LDLRAD3: variants seen among roughly 807,000 people sequenced by gnomAD.
The protein encoded by LDLRAD3 is low-density lipoprotein receptor class A domain-containing protein 3.
LDLRAD3 carries 20 observed loss-of-function variants against 29.4 expected under a neutral mutation model. The observed-to-expected ratio is 0.68, with a 90% CI of 0.48 to 0.99. The LOEUF (loss-of-function observed/expected upper bound fraction) is 0.99, where lower values mean the gene tolerates loss of function less well. LDLRAD3 is among the 50% of genes least tolerant of loss of function. LDLRAD3 has a pLI of 0.00. For synonymous variants in LDLRAD3, 157 were observed against 192.7 expected, an observed-to-expected ratio of 0.81 and a Z score of 1.53; for missense variants, 420 against 454.3, an observed-to-expected ratio of 0.92 and a Z score of 0.69.
rs1343780985 is a variant in LDLRAD3 at position 36,105,238 on chromosome 11, T to TGTGTGTGTGAGAGA, written c.454+6778_454+6779insTGTGTGTGAGAGAG. The stretch of plus-strand genomic sequence containing the variant: ...GTGTGTGTGTGTGTGTGTGTGTGTG[T>TGTGTGTGTGAGAGA]GAGAGAGAGAGAGAGAGAGAGAGAA... On this transcript the variant is annotated intron_variant, in intron 4 of 5. Transcript: ENST00000315571. Among the ~76,000 whole-genome samples, 203 of 128,416 alleles carry TGTGTGTGTGAGAGA rather than the reference T, an allele frequency of 1.6e-3. 2 individuals are homozygous for TGTGTGTGTGAGAGA. The highest frequency in any genetic ancestry group is 5.8e-3 in the African/African-American group (191 of 33,056). 84.2% of individuals were successfully genotyped at this position (128,416 alleles called of 152,430 possible).
At chr11:36,225,270 T>A (rs1855483615) in intron 4 of LDLRAD3, among the ~76,000 whole-genome samples, 1 of 152,234 alleles carries the variant, frequency 6.6e-6, no homozygotes, top group African/African-American at 2.4e-5. Context: ...GTTTACTCAC[T>A]TGAGCTGCAT....
chr11:35,946,804 G>A (rs1286751310), intron 1 of LDLRAD3, among the ~76,000 whole-genome samples: 2 of 152,172 alleles, frequency 1.3e-5, no homozygotes, highest in East Asian at 1.9e-4. Context: ...CTGCTTAACG[G>A]TGTGAGGGGT....
intron 4 of LDLRAD3, among the ~76,000 whole-genome samples, chr11:36,118,929 A>T (rs1004082319): frequency 6.6e-6 from 1 of 152,142 alleles, no homozygotes; most frequent in African/African-American, 2.4e-5. Flanking sequence ...TTATAGTGAT[A>T]GAGTTATATA....
chr11:36,023,831 T>C (rs901971200), intron 1 of LDLRAD3, among the ~76,000 whole-genome samples: 1 of 152,226 alleles, frequency 6.6e-6, no homozygotes, highest in Non-Finnish European at 1.5e-5. Context: ...TTTGACCTGC[T>C]TTACAGCTTT....
At chr11:35,979,593 G>A (rs891190908) in intron 1 of LDLRAD3, among the ~76,000 whole-genome samples, 9 of 152,158 alleles carry the variant, frequency 5.9e-5, no homozygotes, top group East Asian at 1.9e-4. Flanking sequence ...TTAGACGAGC[G>A]TTGAGACTGT....
intron 2 of LDLRAD3, among the ~76,000 whole-genome samples, chr11:36,068,991 G>A (rs2036252): frequency 0.068 from 10,364 of 152,188 alleles, 1,005 homozygotes; most frequent in African/African-American, 0.21. Flanking sequence ...TCCAGTTAGC[G>A]TATGGTCTGT....
chr11:36,171,244 G>C (rs1236837950), intron 4 of LDLRAD3, among the ~76,000 whole-genome samples: 1 of 152,082 alleles, frequency 6.6e-6, no homozygotes, highest in Non-Finnish European at 1.5e-5. Flanking sequence ...CATTCTGTTG[G>C]GTTGTGTGTT....
chr11:35,988,099 C>T (rs1209497484), intron 1 of LDLRAD3, among the ~76,000 whole-genome samples: 1 of 152,152 alleles, frequency 6.6e-6, no homozygotes, highest in Non-Finnish European at 1.5e-5. Context: ...ACTCTGTCAC[C>T]CAGGCTGGAG....
At chr11:36,060,676 A>G (rs1852685459) in intron 2 of LDLRAD3, among the ~76,000 whole-genome samples, 3 of 152,306 alleles carry the variant, frequency 2.0e-5, no homozygotes, top group Admixed American at 2.0e-4. Context: ...CTCTTGTCTT[A>G]TAAAGAGTTC....
chr11:36,118,496 A>AGTGT (rs879322720), intron 4 of LDLRAD3, among the ~76,000 whole-genome samples: 8 of 114,116 alleles, frequency 7.0e-5, no homozygotes, highest in African/African-American at 1.9e-4. Context: ...AGTAAGAGTG[A>AGTGT]GTGTGTGTGT....
rs576545605 is a variant in LDLRAD3, at chr11:36,053,248, C to CT, written c.193+17006dup. Among the ~76,000 whole-genome samples, 339 of 151,828 alleles carry CT rather than the reference C, an allele frequency of 2.2e-3. 5 individuals carry two copies. The highest frequency in any genetic ancestry group is 7.7e-3 in the African/African-American group (319 of 41,468). On this transcript the variant is annotated intron_variant, in intron 2 of 5. Transcript: ENST00000315571. The stretch of plus-strand genomic sequence containing the variant: ...TCTCTAAGCAGCCTTTTTTTTCTTT[C>CT]TTTTTTTAAATCTCATTTTGACATC...
chr11:35,997,109 A>G (rs1005693614), intron 1 of LDLRAD3: 10 of 256,532 alleles, frequency 3.9e-5, no homozygotes, highest in South Asian at 3.2e-4. Flanking sequence ...AATGATGGCT[A>G]TTTTTATGAT....
chr11:36,125,798 C>T (rs1853827930), intron 4 of LDLRAD3, among the ~76,000 whole-genome samples: 1 of 152,192 alleles, frequency 6.6e-6, no homozygotes, highest in Admixed American at 6.5e-5. Flanking sequence ...AGAATGGTGT[C>T]TTCTTGCTCC....
intron 2 of LDLRAD3, among the ~76,000 whole-genome samples, chr11:36,063,055 G>A (rs1294851365): frequency 6.6e-6 from 1 of 152,136 alleles, no homozygotes. Flanking sequence ...GTGAGTTTCA[G>A]CTCTTTGATA....
rs116308458 is a variant in LDLRAD3, at chr11:35,945,613, G to A, written c.46+1469G>A. ...GTTAGAGCAGGTCGATTTTCAGGGC[G>A]TCTACAGATATGAAGACCTGTTTGG... On this transcript the variant is annotated intron_variant, in intron 1 of 5. Coordinates refer to ENST00000315571, the MANE Select transcript of LDLRAD3 (RefSeq NM_174902.4). 1.0e-2 allele frequency among the ~76,000 whole-genome samples: 1,519 copies of A among 152,206 alleles called. 18 individuals are homozygous for A. Among genetic ancestry groups the A allele is most frequent in the African/African-American group, 0.035 (1,464 of 41,526 alleles).
chr11:35,960,568 A>T (rs1851263531), intron 1 of LDLRAD3, among the ~76,000 whole-genome samples: 1 of 152,114 alleles, frequency 6.6e-6, no homozygotes, highest in Non-Finnish European at 1.5e-5. Flanking sequence ...TCCAAGGTGC[A>T]AGGTGGTGAC....
intron 2 of LDLRAD3, among the ~76,000 whole-genome samples, chr11:36,047,970 G>A (rs1375703400): frequency 2.0e-5 from 3 of 152,298 alleles, no homozygotes; most frequent in African/African-American, 7.2e-5. Context: ...GATGTGAAAA[G>A]GGGCAGGGTG....
intron 2 of LDLRAD3, among the ~76,000 whole-genome samples, chr11:36,073,132 A>G (rs773968234): frequency 5.9e-5 from 9 of 152,194 alleles, no homozygotes; most frequent in Admixed American, 1.3e-4. Context: ...TGGCAATTGT[A>G]TTAGTCTTTC....
chr11:36,178,208 T>C (rs889204476), intron 4 of LDLRAD3, among the ~76,000 whole-genome samples: 1 of 152,150 alleles, frequency 6.6e-6, no homozygotes, highest in African/African-American at 2.4e-5. Flanking sequence ...TTGTTCTCAA[T>C]CCCTCAGTCT....
Sources: allele counts gnomAD v4.1 joint callset (sites outside exome capture counted in the v4.1 genomes callset), GRCh38; gene constraint gnomAD v4.1.1; transcripts MANE v1.5; gene names NCBI Gene and HGNC (gene_info 2026-07-23, HGNC 2026-07-21).